NISCH: variants seen among roughly 807,000 people sequenced by gnomAD.
NISCH encodes I-1 receptor candidate protein.
In NISCH, 55 loss-of-function variants were observed where a neutral mutation model predicts 138.4. The ratio of observed to expected loss-of-function variants is 0.40; its 90% CI spans 0.32 to 0.50. The LOEUF is 0.50. Among genes scored for constraint, NISCH ranks in the 20% least tolerant of loss-of-function variants. The pLI is 0.71. For synonymous variants in NISCH, 860 were observed against 861.5 expected, an observed-to-expected ratio of 1.00 and a Z score of 0.03; for missense variants, 1,643 against 2,005.5, an observed-to-expected ratio of 0.82 and a Z score of 3.45.
At chr3:52,465,296 A>T (rs955512500) in intron 3 of NISCH, among the ~76,000 whole-genome samples, 2 of 151,598 alleles carry the variant, frequency 1.3e-5, no homozygotes, top group East Asian at 3.9e-4. Flanking sequence ...TACTTGGCTA[A>T]TTTTTGTACT....
rs1706520838 is a variant in NISCH, at chr3:52,457,890, G to A, written c.141G>A (p.Lys47=). 1.2e-6 allele frequency: 2 copies of A among 1,612,210 alleles called. No homozygotes were observed. The highest frequency in any genetic ancestry group is 1.7e-6 in the Non-Finnish European group (2 of 1,178,376). Residue 47 remains lysine (K), a synonymous_variant, in exon 2 of 21, where the codon AAG becomes AAA. Coordinates refer to ENST00000345716, the MANE Select transcript of NISCH (RefSeq NM_007184.4). ...ATGGCAGCCATGAGTGGACAGTAAA[G>A]CACCGCTACAGCGACTTCCATGACC... ...VTDGSHEWTV[K]HRYSDFHDLH...
At chr3:52,489,096 G>A (rs190724293) in intron 16 of NISCH, among the ~76,000 whole-genome samples, 32 of 152,310 alleles carry the variant, frequency 2.1e-4, no homozygotes, top group Admixed American at 1.8e-3. Flanking sequence ...TGTTCAGGCT[G>A]GTCTCAAACT....
At chr3:52,480,445 G>T in intron 13 of NISCH, 150 bp downstream of exon 13, 1 of 1,540,332 alleles carries the variant, frequency 6.5e-7, no homozygotes. Context: ...TGGTCCTCGC[G>T]GGGGGACACA....
chr3:52,471,043 T>TG, intron 4 of NISCH, 136 bp downstream of exon 4: 1 of 831,652 alleles, frequency 1.2e-6, no homozygotes, highest in South Asian at 1.4e-5. Context: ...TGAGGAGCTG[T>TG]GGTCCTTCAG....
chr3:52,489,292 C>T, intron 16 of NISCH, 44 bp from the exon 17 acceptor site: 1 of 1,579,592 alleles, frequency 6.3e-7, no homozygotes, highest in Non-Finnish European at 8.6e-7. Flanking sequence ...TGTGAATCTT[C>T]ATTTGGGGTC....
chr3:52,477,505 A>G lies in NISCH; in HGVS notation c.919-69A>G, dbSNP rs370651074. ...AGGAAGCGTCCTGGGGTGCCCGTCC[A>G]CTGTGTCGGGGACCGTGTTTGGGGT... On this transcript the variant is annotated intron_variant, in intron 8 of 20. Coordinates refer to ENST00000345716, the MANE Select transcript of NISCH (RefSeq NM_007184.4). 3.7e-6 allele frequency: 5 copies of G among 1,360,780 alleles called. No individual in the cohort carries two copies. In the East Asian group the frequency reaches 6.9e-5, roughly 19 times the overall value. 84.3% of individuals were successfully genotyped at this position (1,360,780 alleles called of 1,614,324 possible).
chr3:52,480,703 C>T, intron 13 of NISCH: 2 of 1,421,002 alleles, frequency 1.4e-6, no homozygotes, highest in Non-Finnish European at 1.8e-6. Flanking sequence ...AATCCCTGTG[C>T]AGGGAAAAGC....
chr3:52,456,155 G>A (rs1162651000), intron 1 of NISCH, among the ~76,000 whole-genome samples: 1 of 152,108 alleles, frequency 6.6e-6, no homozygotes, highest in African/African-American at 2.4e-5. Context: ...CAGGGAAAAG[G>A]GTCAGGCTTC....
intron 20 of NISCH, 35 bp from the exon 21 acceptor site, chr3:52,491,837 T>C (rs776852234): frequency 1.1e-5 from 17 of 1,543,690 alleles, no homozygotes; most frequent in Middle Eastern, 1.8e-4. Context: ...CAGGGGCCGG[T>C]TCCAGGCTAT....
At position 52,489,862 on chromosome 3, in the gene NISCH, T is replaced by C; in HGVS notation, c.3456+184T>C. On this transcript the variant is annotated intron_variant, in intron 17 of 20. Coordinates refer to ENST00000345716, the MANE Select transcript of NISCH (RefSeq NM_007184.4). Reference sequence around the variant, plus strand: ...GTTGCCCTCCCCTGGCCATTTGTGCTGTGTCACCACCTCCTGTGCCACTTC... The same window carrying C: ...GTTGCCCTCCCCTGGCCATTTGTGCCGTGTCACCACCTCCTGTGCCACTTC... 10 of 1,233,856 alleles carry C rather than the reference T, an allele frequency of 8.1e-6. 1 individual carries two copies. The South Asian group carries it at 1.6e-4, about 19-fold the overall frequency. 76.4% of individuals were successfully genotyped at this position (1,233,856 alleles called of 1,614,324 possible).
chr3:52,472,435 A>AC (rs1706979713), intron 6 of NISCH, 37 bp downstream of exon 6: 1 of 1,534,298 alleles, frequency 6.5e-7, no homozygotes, highest in Non-Finnish European at 9.0e-7. Context: ...TCTCGCTCCC[A>AC]ACTCAGAGGC....
chr3:52,479,879 G>A lies in NISCH; in HGVS notation c.1416+17G>A, dbSNP rs1277186782. On this transcript the variant is annotated intron_variant, in intron 12 of 20. Coordinates refer to ENST00000345716, the MANE Select transcript of NISCH (RefSeq NM_007184.4). ...GAGAAGAAGGTGGGTTTGTGTGGCA[G>A]GTGGGAGGGCAGTGGTGCAGAGCCA... 3 of 1,589,906 alleles carry A rather than the reference G, an allele frequency of 1.9e-6. No individual in the cohort carries two copies. The highest frequency in any genetic ancestry group is 1.7e-5 in the Admixed American group (1 of 59,216).
rs771742336 is a variant in NISCH, at chr3:52,489,586, C to G, written c.3364C>G (p.Pro1122Ala). Residue 1122 changes from proline to alanine, a missense_variant, in exon 17 of 21, where the codon CCC (proline) becomes GCC (alanine). Coordinates refer to ENST00000345716, the MANE Select transcript of NISCH (RefSeq NM_007184.4). ...IQATSEENQI[P>A]SHLPACPSLR... ...GGCCACCTCGGAGGAGAATCAGATC[C>G]CCTCGCACTTGCCTGCCTGCCCGTC... 1.2e-6 allele frequency: 2 copies of G among 1,613,112 alleles called. No individual in the cohort carries two copies. Among genetic ancestry groups the G allele is most frequent in the Non-Finnish European group, 1.7e-6 (2 of 1,179,994 alleles).
At chr3:52,482,934 A>G (rs75522184) in intron 13 of NISCH, among the ~76,000 whole-genome samples, 365 of 152,218 alleles carry the variant, frequency 2.4e-3, no homozygotes, top group Non-Finnish European at 2.9e-3. Flanking sequence ...CGGGAGGATG[A>G]GCCATGTGCT....
intron 7 of NISCH, 169 bp from the exon 8 acceptor site, chr3:52,476,278 A>C (rs1384287106): frequency 1.1e-5 from 8 of 701,818 alleles, no homozygotes; most frequent in Non-Finnish European, 1.9e-5. Context: ...GCTTTGAACG[A>C]TTTCACAATC....
chr3:52,469,711 T>C (rs1420649125), intron 3 of NISCH, among the ~76,000 whole-genome samples: 1 of 152,108 alleles, frequency 6.6e-6, no homozygotes, highest in Non-Finnish European at 1.5e-5. Context: ...GGACAGGAGT[T>C]TGAGATCAGC....
intron 3 of NISCH, among the ~76,000 whole-genome samples, chr3:52,470,234 C>T (rs1706907105): frequency 6.6e-6 from 1 of 152,140 alleles, no homozygotes; most frequent in African/African-American, 2.4e-5. Flanking sequence ...TGGCCTTGTC[C>T]TGCCCTTCAT....
chr3:52,460,238 C>T (rs1236421685), intron 3 of NISCH, among the ~76,000 whole-genome samples: 3 of 143,822 alleles, frequency 2.1e-5, no homozygotes, highest in African/African-American at 7.8e-5. Flanking sequence ...AGGCTGAGCA[C>T]AGTGGCTCAT....
chr3:52,480,301 C>A lies in NISCH; in HGVS notation c.1528+6C>A. On this transcript the variant is annotated splice_donor_region_variant and intron_variant, in intron 13 of 20. Transcript: ENST00000345716. ...GCCCATCCTCTCTAACCAAGGTAAT[C>A]GTGTATGTATCTTGCTTCTAGTGGA... 1 of 1,613,768 alleles carries A rather than the reference C, an allele frequency of 6.2e-7. No homozygotes were observed.
Sources: allele counts gnomAD v4.1 joint callset (sites outside exome capture counted in the v4.1 genomes callset), GRCh38; gene constraint gnomAD v4.1.1; transcripts MANE v1.5; gene names NCBI Gene and HGNC (gene_info 2026-07-23, HGNC 2026-07-21).